PLCE1: variants seen among roughly 807,000 people sequenced by gnomAD.
PLCE1 encodes the protein phospholipase C epsilon 1.
PLCE1 carries 119 observed loss-of-function variants against 242.8 expected under a neutral mutation model. The ratio of observed to expected loss-of-function variants is 0.49; its 90% CI spans 0.42 to 0.57. The LOEUF (loss-of-function observed/expected upper bound fraction) is 0.57, where lower values mean the gene tolerates loss of function less well. PLCE1 is among the 20% of genes least tolerant of loss of function. The pLI, the probability that PLCE1 is intolerant of heterozygous loss-of-function variation, is 0.00. For synonymous variants in PLCE1, 945 were observed against 1,017.4 expected, an observed-to-expected ratio of 0.93 and a Z score of 1.35; for missense variants, 2,441 against 2,788.8, an observed-to-expected ratio of 0.88 and a Z score of 2.81.
intron 5 of PLCE1, among the ~76,000 whole-genome samples, 153 bp downstream of exon 5, chr10:94,227,604 G>A (rs2049992086): frequency 6.6e-6 from 1 of 152,208 alleles, no homozygotes; most frequent in South Asian, 2.1e-4. Context: ...CAGCACCAAA[G>A]GCCCTGTCCC....
At chr10:94,243,891 A>T (rs1309399811) in intron 7 of PLCE1, among the ~76,000 whole-genome samples, 1 of 152,236 alleles carries the variant, frequency 6.6e-6, no homozygotes, top group Non-Finnish European at 1.5e-5. Flanking sequence ...TACATACCAT[A>T]TGCATTCTTG....
intron 2 of PLCE1, among the ~76,000 whole-genome samples, chr10:94,075,542 T>A (rs2044474977): frequency 6.6e-6 from 1 of 152,256 alleles, no homozygotes; most frequent in Non-Finnish European, 1.5e-5. Flanking sequence ...GCTGGCATTC[T>A]GTTCTTTACA....
chr10:94,187,843 T>C (rs993871702), intron 4 of PLCE1, among the ~76,000 whole-genome samples: 7 of 152,176 alleles, frequency 4.6e-5, no homozygotes, highest in Non-Finnish European at 8.8e-5. Flanking sequence ...AGACAGACAC[T>C]AAAGTTGTAT....
chr10:94,311,731 G>A (rs1380285828), intron 27 of PLCE1, among the ~76,000 whole-genome samples: 1 of 152,148 alleles, frequency 6.6e-6, no homozygotes, highest in African/African-American at 2.4e-5. Context: ...CTCTGGGTTT[G>A]CCACCTCTGT....
intron 2 of PLCE1, among the ~76,000 whole-genome samples, chr10:94,087,130 T>C (rs2135311556): frequency 6.6e-6 from 1 of 152,176 alleles, no homozygotes; most frequent in East Asian, 1.9e-4. Flanking sequence ...TGAGGATTAC[T>C]TGAGCCCAGG....
In PLCE1 at chr10:94,328,393, T is replaced by G. The variant is rs956972625; in HGVS notation, c.*450T>G. 6.5e-6 allele frequency: 1 copy of G among 153,006 alleles called. No homozygotes were observed. The highest frequency in any genetic ancestry group is 2.4e-5 in the African/African-American group (1 of 41,456). The allele number at this position is 153,006 out of a possible 1,614,324, so 9.5% of individuals were successfully genotyped here. On this transcript the variant is annotated 3_prime_UTR_variant, in exon 33 of 33. Coordinates refer to ENST00000371380, the MANE Select transcript of PLCE1 (RefSeq NM_016341.4). ...AAAACTTTATTTATGGACACTGAAATTGGAATTTCATATATTTTTCACATG... is the reference window on the plus strand; with the variant it reads ...AAAACTTTATTTATGGACACTGAAAGTGGAATTTCATATATTTTTCACATG...
At chr10:94,272,440 G>A (rs912443551) in intron 18 of PLCE1, among the ~76,000 whole-genome samples, 5 of 152,012 alleles carry the variant, frequency 3.3e-5, no homozygotes, top group East Asian at 1.9e-4. Context: ...CCCTAAAATC[G>A]CTGTTATTCT....
At chr10:94,268,801 A>G (rs769119313) in intron 16 of PLCE1, 128 bp from the exon 17 acceptor site, 116 of 690,564 alleles carry the variant, frequency 1.7e-4, no homozygotes, top group Non-Finnish European at 2.7e-4. Flanking sequence ...TTTGTTTTAG[A>G]CCATTTGCCC....
chr10:94,034,320 T>C (rs1406506766), intron 2 of PLCE1, among the ~76,000 whole-genome samples: 1 of 152,192 alleles, frequency 6.6e-6, no homozygotes, highest in African/African-American at 2.4e-5. Context: ...TATTGAGCAT[T>C]CAACAAATGC....
At chr10:94,126,493 A>G (rs1047483312) in intron 2 of PLCE1, among the ~76,000 whole-genome samples, 1 of 152,200 alleles carries the variant, frequency 6.6e-6, no homozygotes, top group African/African-American at 2.4e-5. Flanking sequence ...CGTCTTGCTC[A>G]CTGGTAGAAC....
intron 2 of PLCE1, among the ~76,000 whole-genome samples, chr10:94,110,878 T>C (rs2045933830): frequency 6.6e-6 from 1 of 152,240 alleles, no homozygotes. Flanking sequence ...CCTCAGCTAG[T>C]TGTGGGAGCA....
At chr10:94,124,227 A>G (rs188666647) in intron 2 of PLCE1, among the ~76,000 whole-genome samples, 1 of 151,984 alleles carries the variant, frequency 6.6e-6, no homozygotes, top group East Asian at 1.9e-4. Context: ...AAATAATATA[A>G]AATTAGCCCA....
chr10:94,264,942 A>G (rs2051459135), intron 14 of PLCE1, among the ~76,000 whole-genome samples: 1 of 152,226 alleles, frequency 6.6e-6, no homozygotes, highest in South Asian at 2.1e-4. Flanking sequence ...AGGCTGGGCA[A>G]TATAGTAAGA....
At chr10:94,173,174 G>T (rs971473368) in intron 4 of PLCE1, among the ~76,000 whole-genome samples, 3 of 152,090 alleles carry the variant, frequency 2.0e-5, no homozygotes, top group Non-Finnish European at 4.4e-5. Context: ...GGCAATTTTG[G>T]TTTAAGCCCA....
At chr10:94,158,776 T>A (rs1263795339) in intron 3 of PLCE1, among the ~76,000 whole-genome samples, 2 of 151,876 alleles carry the variant, frequency 1.3e-5, no homozygotes, top group Admixed American at 6.6e-5. Context: ...TAGAAAAATA[T>A]GAAATGTAAC....
At chr10:94,195,133 A>G (rs1039663116) in intron 4 of PLCE1, among the ~76,000 whole-genome samples, 1 of 152,206 alleles carries the variant, frequency 6.6e-6, no homozygotes, top group Admixed American at 6.5e-5. Context: ...CACATTTAAT[A>G]TGATTTGAAA....
intron 4 of PLCE1, among the ~76,000 whole-genome samples, chr10:94,215,828 T>C (rs1407213986): frequency 6.6e-6 from 1 of 152,074 alleles, no homozygotes; most frequent in African/African-American, 2.4e-5. Context: ...GAGGCTGTTG[T>C]GAGAGAATCA....
intron 2 of PLCE1, among the ~76,000 whole-genome samples, chr10:94,043,279 G>T (rs560393714): frequency 6.6e-6 from 1 of 152,274 alleles, no homozygotes; most frequent in South Asian, 2.1e-4. Flanking sequence ...TGCTGCAAGC[G>T]CAGTCGAACC....
In PLCE1 at chr10:94,324,336, A is replaced by C. The variant is rs376288143; in HGVS notation, c.6502-13A>C. On this transcript the variant is annotated splice_polypyrimidine_tract_variant and intron_variant, in intron 30 of 32. Transcript: ENST00000371380. ...CTGTGTCTTTATTCAGTTGATCATA[A>C]CTTACCTTTCAGACCTTATGCAAAG... is the stretch of plus-strand genomic sequence containing the variant. 1.5e-4 allele frequency: 234 copies of C among 1,599,506 alleles called. No individual in the cohort carries two copies. Among genetic ancestry groups the C allele is most frequent in the Admixed American group, 1.8e-4 (11 of 59,976 alleles).
Sources: gnomAD v4.1 joint callset for allele counts (sites outside exome capture counted in the v4.1 genomes callset) on GRCh38, gnomAD v4.1.1 for gene constraint, MANE v1.5 for transcripts, NCBI Gene and HGNC (gene_info 2026-07-23, HGNC 2026-07-21) for gene names.